Variants in DOP1A observed in about 807,000 individuals in gnomAD.
DOP1A encodes protein DOP1A.
In DOP1A, 90 loss-of-function variants were observed where a neutral mutation model predicts 267.6. The observed-to-expected ratio is 0.34, with a 90% CI of 0.28 to 0.40. The LOEUF (loss-of-function observed/expected upper bound fraction) is 0.40. Ranked by LOEUF, DOP1A falls within the 10% of genes least tolerant of loss-of-function variation. DOP1A has a pLI of 1.00. For synonymous variants in DOP1A, 932 were observed against 999.1 expected, an observed-to-expected ratio of 0.93 and a Z score of 1.27; for missense variants, 2,437 against 2,900.4, an observed-to-expected ratio of 0.84 and a Z score of 3.67.
chr6:83,122,134 C>A, intron 11 of DOP1A, 84 bp downstream of exon 11: 1 of 1,478,842 alleles, frequency 6.8e-7, no homozygotes, highest in Non-Finnish European at 9.2e-7. Context: ...AACTTGGGAT[C>A]CTACTCTATG....
chr6:83,100,389 T>G (rs1772357498), intron 3 of DOP1A, among the ~76,000 whole-genome samples: 1 of 152,130 alleles, frequency 6.6e-6, no homozygotes, highest in Admixed American at 6.5e-5. Context: ...CCAGCTGTCT[T>G]CTCACATCAA....
intron 30 of DOP1A, among the ~76,000 whole-genome samples, chr6:83,152,953 A>G (rs1431703632): frequency 1.3e-5 from 2 of 152,150 alleles, no homozygotes; most frequent in African/African-American, 4.8e-5. Flanking sequence ...GCCTGCCACT[A>G]TAATGTATTT....
intron 38 of DOP1A, chr6:83,167,242 A>T (rs1037568254): frequency 2.1e-6 from 2 of 971,800 alleles, no homozygotes; most frequent in African/African-American, 3.5e-5. Flanking sequence ...CACTAACTCA[A>T]TTCCTTTGAC....
chr6:83,137,298 A>C lies in DOP1A; in HGVS notation c.3256A>C (p.Ser1086Arg). ...CAGACTTTCCCTCCTAAGTACCAGC[A>C]GTGAGACAATTCCAATGGTTGTGTC... ...SDRLSLLSTS[S>R]ETIPMVVSDF... Residue 1086 changes from serine to arginine, a missense_variant, in exon 21 of 39, where the codon AGT becomes CGT. Ser to Arg is a moderately radical substitution (Grantham distance 110). Coordinates refer to ENST00000349129, the MANE Select transcript of DOP1A (RefSeq NM_015018.4). The C allele has an allele frequency of 1.2e-6, 2 of 1,613,842 alleles. No homozygotes were observed. The highest frequency in any genetic ancestry group is 2.2e-5 in the South Asian group (2 of 91,070).
At chr6:83,126,720 C>A (rs995480506) in intron 15 of DOP1A, among the ~76,000 whole-genome samples, 1 of 152,004 alleles carries the variant, frequency 6.6e-6, no homozygotes, top group Non-Finnish European at 1.5e-5. Context: ...AAAGAGAGCA[C>A]CTGACAGAGG....
chr6:83,135,252 G>T (rs1307023368), intron 19 of DOP1A, among the ~76,000 whole-genome samples: 1 of 145,454 alleles, frequency 6.9e-6, no homozygotes, highest in African/African-American at 2.6e-5. Flanking sequence ...GAGGAACATG[G>T]ACCAACATGG....
downstream of DOP1A, chr6:83,169,506 G>A (rs73749725): frequency 3.8e-3 from 2,466 of 651,156 alleles, 56 homozygotes; most frequent in African/African-American, 0.04. Context: ...TTAAATAAAC[G>A]GAAAACAGAC....
At chr6:83,162,966 G>T (rs1424148543) in intron 38 of DOP1A, 47 bp downstream of exon 38, 10 of 1,556,470 alleles carry the variant, frequency 6.4e-6, no homozygotes, top group Non-Finnish European at 7.9e-6. Flanking sequence ...ACTACATGTT[G>T]CATTAGTGAG....
intron 6 of DOP1A, among the ~76,000 whole-genome samples, chr6:83,111,899 T>G (rs1476520425): frequency 1.3e-5 from 2 of 151,384 alleles, no homozygotes; most frequent in Non-Finnish European, 3.0e-5. Context: ...CCGGACTTGA[T>G]TTTTTTTCTC....
At chr6:83,142,696 T>C (rs1453398262) in intron 24 of DOP1A, among the ~76,000 whole-genome samples, 1 of 152,148 alleles carries the variant, frequency 6.6e-6, no homozygotes, top group African/African-American at 2.4e-5. Context: ...ATCTTGACTA[T>C]AGTTTACTAT....
chr6:83,169,534 G>GGTAA (rs1350268133), downstream of DOP1A: 19 of 568,134 alleles, frequency 3.3e-5, no homozygotes, highest in Non-Finnish European at 5.9e-5. Flanking sequence ...TTCTAAATAA[G>GGTAA]GTAAGTTTTT....
intron 3 of DOP1A, 136 bp downstream of exon 3, chr6:83,097,251 T>C: frequency 2.1e-6 from 2 of 973,588 alleles, no homozygotes; most frequent in Non-Finnish European, 3.0e-6. Flanking sequence ...TAGTGCTATT[T>C]TTCTTCATGA....
At chr6:83,136,950 T>C (rs1778953704) in intron 20 of DOP1A, among the ~76,000 whole-genome samples, 1 of 152,116 alleles carries the variant, frequency 6.6e-6, no homozygotes, top group Non-Finnish European at 1.5e-5. Context: ...TTGCTGCTAA[T>C]TTTAAAGTCT....
chr6:83,112,139 A>G (rs1014065641), intron 6 of DOP1A, among the ~76,000 whole-genome samples: 2 of 152,164 alleles, frequency 1.3e-5, no homozygotes, highest in African/African-American at 4.8e-5. Flanking sequence ...CAAATGACAC[A>G]CATGGAAAAA....
intron 4 of DOP1A, 124 bp from the exon 5 acceptor site, chr6:83,108,786 T>A (rs1466121806): frequency 2.2e-6 from 2 of 892,626 alleles, no homozygotes; most frequent in South Asian, 2.0e-5. Flanking sequence ...TATACAGGTA[T>A]CATTTTTAAG....
At chr6:83,098,881 G>A (rs9353120) in intron 3 of DOP1A, among the ~76,000 whole-genome samples, 41 of 152,274 alleles carry the variant, frequency 2.7e-4, no homozygotes, top group African/African-American at 8.4e-4. Context: ...AGCAAGGCCC[G>A]TCTGTCAGAT....
intron 25 of DOP1A, 59 bp downstream of exon 25, chr6:83,145,717 A>T: frequency 1.3e-6 from 2 of 1,565,526 alleles, no homozygotes; most frequent in South Asian, 2.3e-5. Flanking sequence ...TTATGCTGGT[A>T]AGATTTTTTT....
rs1039600290 is a variant in DOP1A, at chr6:83,113,537, C to T, written c.780+116C>T. 58 of 738,468 alleles carry T rather than the reference C, an allele frequency of 7.9e-5. No homozygotes were observed. The East Asian group carries it at 8.5e-4, about 11-fold the overall frequency. The allele number at this position is 738,468 out of a possible 1,614,324, so 45.7% of individuals were successfully genotyped here. ...AATTCTTCTTGTATAAATCAGTAAG[C>T]GCATGGAAAATAAGTTCCTTCTTAA... On this transcript the variant is annotated intron_variant, in intron 7 of 38. Coordinates refer to ENST00000349129, the MANE Select transcript of DOP1A (RefSeq NM_015018.4).
rs765987802 is a variant in DOP1A at position 83,121,890 on chromosome 6, G to A, written c.1100-40G>A. The stretch of plus-strand genomic sequence containing the variant: ...TTTCAGATAAGCATGATTTGCTCAT[G>A]CTGATTAATTACTGTCTTTAATTTG... On this transcript the variant is annotated intron_variant, in intron 10 of 38. Transcript: ENST00000349129. The A allele has an allele frequency of 1.7e-5, 27 of 1,566,934 alleles. 1 individual carries two copies. In the South Asian group the frequency reaches 3.1e-4, roughly 18 times the overall value.
Sources: gnomAD v4.1 joint callset for allele counts (sites outside exome capture counted in the v4.1 genomes callset) on GRCh38, gnomAD v4.1.1 for gene constraint, MANE v1.5 for transcripts, NCBI Gene and HGNC (gene_info 2026-07-23, HGNC 2026-07-21) for gene names.